PNPLA7: variants seen among roughly 807,000 people sequenced by gnomAD.
PNPLA7 encodes patatin like domain 7, lysophospholipase.
PNPLA7 carries 153 observed loss-of-function variants against 161.7 expected under a neutral mutation model. That is an observed-to-expected ratio of 0.95 (90% CI 0.83 to 1.08). The LOEUF is 1.08. Ranked by LOEUF, PNPLA7 falls within the 50% of genes least tolerant of loss-of-function variation. The pLI, the probability that PNPLA7 is intolerant of heterozygous loss-of-function variation, is 0.00. For synonymous variants in PNPLA7, 809 were observed against 782.1 expected (o/e 1.03, Z -0.57); for missense variants, 1,739 against 1,856.6 (o/e 0.94, Z 1.16).
At chr9:137,503,879 AAAG>A (rs1468280252) in intron 14 of PNPLA7, among the ~76,000 whole-genome samples, 20 of 63,004 alleles carry the variant, frequency 3.2e-4, no homozygotes, top group African/African-American at 9.8e-4. Flanking sequence ...AAGGAAGAAG[AAAG>A]AAGAAGGAAG....
At chr9:137,528,892 A>C (rs944765191) in intron 8 of PNPLA7, among the ~76,000 whole-genome samples, 4 of 150,944 alleles carry the variant, frequency 2.6e-5, no homozygotes, top group African/African-American at 9.7e-5. Flanking sequence ...AGTAGAGACG[A>C]GGTTTCACTG....
At position 137,543,741 on chromosome 9, in the gene PNPLA7, C is replaced by T. The variant is rs1375417393; in HGVS notation, c.348G>A (p.Val116=). 4.3e-6 allele frequency: 7 copies of T among 1,614,078 alleles called. No homozygotes were observed. The Admixed American group carries it at 8.3e-5, about 19-fold the overall frequency. ...CACAGTACCTCTTGGCCAAAGACAG[C>T]ACCTTGGTCCTCTTCCTGGCCCGCT... is the stretch of plus-strand genomic sequence containing the variant. ...PRQRARKRTK[V]LSLAKRILRF... Residue 116 remains valine, a synonymous_variant, in exon 5 of 35, where the codon GTG becomes GTA. Transcript: ENST00000406427. The surrounding 1 kb of genome is among the most constrained non-coding windows in gnomAD (Gnocchi z 6.9).
intron 8 of PNPLA7, among the ~76,000 whole-genome samples, chr9:137,532,883 C>T (rs1249322895): frequency 6.6e-6 from 1 of 152,160 alleles, no homozygotes; most frequent in Non-Finnish European, 1.5e-5. Flanking sequence ...AATCCAAGAA[C>T]AGTGTCCACT....
chr9:137,478,061 G>A lies in PNPLA7; in HGVS notation c.2855C>T (p.Ala952Val). Residue 952 changes from alanine (A) to valine (V), a missense_variant, in exon 25 of 35, where the codon GCC becomes GTC. Ala to Val is a moderately conservative substitution (Grantham distance 64). Coordinates refer to ENST00000406427, the MANE Select transcript of PNPLA7 (RefSeq NM_001098537.3). ...LARVLTGNAI[A>V]LVLGGGGARG... is the part of the protein sequence containing the mutation. Reference sequence around the variant, plus strand: ...TGCTCCCCCTCCCCCAAGCACCAGGGCAATGGCGTTGCCCGTCAGCACCCT... The same window carrying A: ...TGCTCCCCCTCCCCCAAGCACCAGGACAATGGCGTTGCCCGTCAGCACCCT... 1 of 1,430,188 alleles carries A rather than the reference G, an allele frequency of 7.0e-7. No homozygotes were observed. Among genetic ancestry groups the A allele is most frequent in the Non-Finnish European group, 9.2e-7 (1 of 1,088,074 alleles). 88.6% of individuals were successfully genotyped at this position (1,430,188 alleles called of 1,614,324 possible).
At chr9:137,489,069 T>C (rs1248801567) in intron 20 of PNPLA7, among the ~76,000 whole-genome samples, 2 of 146,620 alleles carry the variant, frequency 1.4e-5, no homozygotes, top group African/African-American at 2.5e-5. Flanking sequence ...CTCCCAACTG[T>C]GCACCCCCTG....
In PNPLA7 at chr9:137,524,596, G is replaced by C. The variant is rs1024450763; in HGVS notation, c.748-1739C>G. Among the ~76,000 whole-genome samples, 3 of 152,258 alleles carry C rather than the reference G, an allele frequency of 2.0e-5. No individual in the cohort carries two copies. The highest frequency in any genetic ancestry group is 7.2e-5 in the African/African-American group (3 of 41,470). On this transcript the variant is annotated intron_variant, in intron 8 of 34. Transcript: ENST00000406427. The surrounding 1 kb of genome is among the most constrained non-coding windows in gnomAD (Gnocchi z 4.4). ...TAAATACCTAGGGATGGGACTTGTA[G>C]GTTGTACGGAACACGTATCCTCACA... is the stretch of plus-strand genomic sequence containing the variant.
At chr9:137,469,243 T>C (rs531360825) in intron 25 of PNPLA7, among the ~76,000 whole-genome samples, 1 of 152,184 alleles carries the variant, frequency 6.6e-6, no homozygotes, top group African/African-American at 2.4e-5. Flanking sequence ...AAACAGTCAC[T>C]GAATCATGAA....
rs202161097 is a variant in PNPLA7, at chr9:137,462,821, C to T, written c.3356G>A (p.Arg1119Gln). ...YINNLPADVA[R>Q]SMGAKVVIAI... Reference sequence around the variant, plus strand: ...GATCACCACTTTTGCCCCCATGGACCGGGCCACATCCGCTAGGGAGAAGCC... The same window carrying T: ...GATCACCACTTTTGCCCCCATGGACTGGGCCACATCCGCTAGGGAGAAGCC... The change falls in exon 30 of 35, where the codon CGG (arginine) becomes CAG (glutamine). Residue 1119 changes from arginine to glutamine, a missense_variant. By Grantham distance (43) the Arg-to-Gln change is conservative. Coordinates refer to ENST00000406427, the MANE Select transcript of PNPLA7 (RefSeq NM_001098537.3). 104 of 1,613,790 alleles carry T rather than the reference C, an allele frequency of 6.4e-5. No individual in the cohort carries two copies. The highest frequency in any genetic ancestry group is 4.7e-4 in the Admixed American group (28 of 60,012).
At chr9:137,509,163 CAT>C (rs1834069674) in intron 12 of PNPLA7, 1 of 152,154 alleles carries the variant, frequency 6.6e-6, no homozygotes, top group Non-Finnish European at 1.5e-5. Context: ...GTTTAGCTGA[CAT>C]GAGTGAGTTA....
chr9:137,491,449 C>T lies in PNPLA7; in HGVS notation c.2197+1564G>A, dbSNP rs1196591327. On this transcript the variant is annotated intron_variant, in intron 20 of 34. Coordinates refer to ENST00000406427, the MANE Select transcript of PNPLA7 (RefSeq NM_001098537.3). Reference sequence around the variant, plus strand: ...ACATGATCCAACCGGACACCTTCTACAAGAAACTCACTTCAAAACTCACGG... The same window carrying T: ...ACATGATCCAACCGGACACCTTCTATAAGAAACTCACTTCAAAACTCACGG... The T allele has an allele frequency of 3.1e-6, 3 of 982,682 alleles. No individual in the cohort carries two copies. In the African/African-American group the frequency reaches 5.2e-5, roughly 17 times the overall value. 60.9% of individuals were successfully genotyped at this position (982,682 alleles called of 1,614,324 possible).
At chr9:137,545,568 A>G (rs1394469538) in intron 4 of PNPLA7, among the ~76,000 whole-genome samples, 1 of 152,222 alleles carries the variant, frequency 6.6e-6, no homozygotes, top group Non-Finnish European at 1.5e-5. Context: ...GTATAATAAA[A>G]TATATAAAAT....
In PNPLA7 at chr9:137,478,040, C is replaced by T; in HGVS notation, c.2876G>A (p.Gly959Glu). 2 of 1,426,188 alleles carry T rather than the reference C, an allele frequency of 1.4e-6. No homozygotes were observed. The highest frequency in any genetic ancestry group is 1.8e-6 in the Non-Finnish European group (2 of 1,085,964). 88.3% of individuals were successfully genotyped at this position (1,426,188 alleles called of 1,614,324 possible). A position where few individuals can be genotyped will look rare whatever the true frequency, so the allele number is the denominator to read the frequency against. The change falls in exon 25 of 35, where the codon GGA becomes GAA. Residue 959 changes from glycine to glutamate, a missense_variant. Around this residue, in one of 6 missense-constraint regions of PNPLA7, gnomAD observed 703 missense variants for 694.6 expected, o/e 1.01. Transcript: ENST00000406427. ...NAIALVLGGGGARGCAQVGVL... is the reference protein window; with the variant it reads ...NAIALVLGGGEARGCAQVGVL... ...AGGAAGCGGGGGGACTCACCTTGCT[C>T]CCCCTCCCCCAAGCACCAGGGCAAT...
chr9:137,480,086 C>T (rs972711684), intron 23 of PNPLA7, among the ~76,000 whole-genome samples: 5 of 152,250 alleles, frequency 3.3e-5, no homozygotes, highest in African/African-American at 4.8e-5. Flanking sequence ...CCGGAGGCTG[C>T]GGCTTCACAA....
Position 137,546,462 on chromosome 9 carries a change from G to A in PNPLA7, c.273+368C>T, listed in dbSNP as rs754129202. Among the ~76,000 whole-genome samples, 16 of 151,914 alleles carry A rather than the reference G, an allele frequency of 1.1e-4. No homozygotes were observed. In the East Asian group the frequency reaches 1.4e-3, roughly 13 times the overall value. ...TTTATTTCTACACTCTCTCGTCTCCGCACAGGGGGAGAAACCCACCGACCC... is the reference window on the plus strand; with the variant it reads ...TTTATTTCTACACTCTCTCGTCTCCACACAGGGGGAGAAACCCACCGACCC... On this transcript the variant is annotated intron_variant, in intron 4 of 34. Coordinates refer to ENST00000406427, the MANE Select transcript of PNPLA7 (RefSeq NM_001098537.3).
chr9:137,550,312 A>G lies in PNPLA7; in HGVS notation c.-115T>C. The G allele has an allele frequency of 8.6e-7, 1 of 1,160,364 alleles. No individual in the cohort carries two copies. The highest frequency in any genetic ancestry group is 1.3e-5 in the South Asian group (1 of 79,632). The allele number at this position is 1,160,364 out of a possible 1,614,324, so 71.9% of individuals were successfully genotyped here. A position where few individuals can be genotyped will look rare whatever the true frequency, so the allele number is the denominator to read the frequency against. ...GACACTTTTCCCTGGGTTCCTTTCA[A>G]GTCAAATTATGTTTCACTGAAAGGA... On this transcript the variant is annotated 5_prime_UTR_variant, in exon 1 of 35. Transcript: ENST00000406427.
rs761419674 is a variant in PNPLA7 at position 137,480,319 on chromosome 9, A to T, written c.2573T>A (p.Val858Glu). 6.2e-7 allele frequency: 1 copy of T among 1,612,232 alleles called. No individual in the cohort carries two copies. The highest frequency in any genetic ancestry group is 8.5e-7 in the Non-Finnish European group (1 of 1,179,722). ...IVGLGDQEPT[V>E]GELERMLEST... ...GGCCCTCCCCGTGCTCACCTCGCCCACTGTGGGCTCCTGGTCACCCAGGCC... is the reference window on the plus strand; with the variant it reads ...GGCCCTCCCCGTGCTCACCTCGCCCTCTGTGGGCTCCTGGTCACCCAGGCC... Residue 858 changes from valine (V) to glutamate (E), a missense_variant, in exon 23 of 35, where the codon GTG (valine) becomes GAG (glutamate). Physicochemically the swap from Val to Glu is moderately radical, Grantham distance 121. Coordinates refer to ENST00000406427, the MANE Select transcript of PNPLA7 (RefSeq NM_001098537.3).
chr9:137,534,229 C>T (rs1350429307), intron 8 of PNPLA7, among the ~76,000 whole-genome samples: 4 of 149,402 alleles, frequency 2.7e-5, no homozygotes, highest in Admixed American at 2.7e-4. Flanking sequence ...AGACTACTCC[C>T]CAACACTGTC....
At chr9:137,544,501 C>T (rs912586289) in intron 4 of PNPLA7, among the ~76,000 whole-genome samples, 102 of 152,344 alleles carry the variant, frequency 6.7e-4, no homozygotes, top group African/African-American at 2.1e-3. Flanking sequence ...CTGTCCCGGC[C>T]GCCTAAGCCT....
At chr9:137,519,322 GC>G (rs1460590582) in intron 11 of PNPLA7, among the ~76,000 whole-genome samples, 1 of 152,200 alleles carries the variant, frequency 6.6e-6, no homozygotes, top group Non-Finnish European at 1.5e-5. Flanking sequence ...TCAGATTCAG[GC>G]CCCCCGGTTA....
Sources: allele counts gnomAD v4.1 joint callset (sites outside exome capture counted in the v4.1 genomes callset), GRCh38; gene constraint gnomAD v4.1.1; regional missense constraint gnomAD v4.1.1; non-coding constraint Gnocchi (gnomAD v3.1); transcripts MANE v1.5; gene names NCBI Gene and HGNC (gene_info 2026-07-23, HGNC 2026-07-21).